The following COL9A1 variants were observed in gnomAD, a reference collection of about 807,000 sequenced individuals.
COL9A1 encodes the protein collagen type IX alpha 1 chain.
Under a neutral mutation model 142.6 loss-of-function variants are expected in COL9A1, and 104 were observed. The ratio of observed to expected loss-of-function variants is 0.73; its 90% confidence interval spans 0.62 to 0.86. COL9A1 has a LOEUF of 0.86. COL9A1 is among the 40% of genes least tolerant of loss of function. COL9A1 has a pLI of 0.00. For synonymous variants in COL9A1, 466 were observed against 396.0 expected (o/e 1.18, Z -2.10); for missense variants, 1,210 against 1,176.6 (o/e 1.03, Z -0.42).
At chr6:70,281,811 T>C (rs1773184649) in intron 7 of COL9A1, among the ~76,000 whole-genome samples, 1 of 152,046 alleles carries the variant, frequency 6.6e-6, no homozygotes. Flanking sequence ...AAAATGAAAA[T>C]GGGGCTCATT....
At chr6:70,244,240 G>A (rs912865223) in intron 28 of COL9A1, among the ~76,000 whole-genome samples, 1 of 152,170 alleles carries the variant, frequency 6.6e-6, no homozygotes, top group African/African-American at 2.4e-5. Context: ...ACCTGTGTCT[G>A]GTATATGACT....
chr6:70,240,736 A>G lies in COL9A1; in HGVS notation c.2035-3T>C, dbSNP rs765250471. 4.3e-6 allele frequency: 7 copies of G among 1,611,588 alleles called. No homozygotes were observed. The highest frequency in any genetic ancestry group is 5.9e-6 in the Non-Finnish European group (7 of 1,177,920). The stretch of plus-strand genomic sequence containing the variant: ...TCACCTTCTTCACCAGAGGCACCCT[A>G]AAAATTAAGATAAAAGGTTACATTT... On this transcript the variant is annotated splice_polypyrimidine_tract_variant and splice_region_variant and intron_variant, in intron 31 of 37. Transcript: ENST00000357250.
Position 70,239,320 on chromosome 6 carries a change from T to C in COL9A1, c.2080-34A>G, listed in dbSNP as rs746347768. 7.4e-6 allele frequency: 10 copies of C among 1,347,084 alleles called. No individual in the cohort carries two copies. The African/African-American group carries it at 8.6e-5, about 12-fold the overall frequency. The allele number at this position is 1,347,084 out of a possible 1,614,324, so 83.4% of individuals were successfully genotyped here. A position where few individuals can be genotyped will look rare whatever the true frequency, so the allele number is the denominator to read the frequency against. On this transcript the variant is annotated intron_variant, in intron 32 of 37. Coordinates refer to ENST00000357250, the MANE Select transcript of COL9A1 (RefSeq NM_001851.6). ...ATAAAAGAAATTTATGTTAGAACAA[T>C]GTATTCACATTTGATAATTTCCTGA...
chr6:70,289,393 TTTTATTC>T (rs1773574084), intron 5 of COL9A1, among the ~76,000 whole-genome samples: 1 of 152,182 alleles, frequency 6.6e-6, no homozygotes, highest in Non-Finnish European at 1.5e-5. Flanking sequence ...ATTATTCAGT[TTTTATTC>T]TAGCTATCCA....
At chr6:70,280,686 AG>A in intron 10 of COL9A1, 125 bp downstream of exon 10, 1 of 1,379,628 alleles carries the variant, frequency 7.2e-7, no homozygotes, top group East Asian at 2.5e-5. Flanking sequence ...CAGGAGGCCA[AG>A]TTTAGAGCCA....
intron 6 of COL9A1, chr6:70,283,206 C>T (rs1773285725): frequency 6.8e-7 from 1 of 1,465,080 alleles, no homozygotes; most frequent in South Asian, 1.4e-5. Flanking sequence ...CCGGGAGGCG[C>T]GCGTTCCCCC....
intron 4 of COL9A1, among the ~76,000 whole-genome samples, chr6:70,296,052 G>A (rs1424060825): frequency 2.0e-5 from 3 of 151,996 alleles, no homozygotes; most frequent in Admixed American, 6.6e-5. Context: ...TCTTTACTTT[G>A]ATTTTAATTA....
At chr6:70,263,215 A>G in intron 19 of COL9A1, 29 bp downstream of exon 19, 1 of 1,505,270 alleles carries the variant, frequency 6.6e-7, no homozygotes, top group Non-Finnish European at 9.1e-7. Context: ...TACATATCCT[A>G]GTTAAATATT....
chr6:70,272,208 T>C, intron 12 of COL9A1, 120 bp from the exon 13 acceptor site: 5 of 781,354 alleles, frequency 6.4e-6, no homozygotes, highest in Non-Finnish European at 1.0e-5. Context: ...ATGCTCATTC[T>C]AAAGAAAGCA....
intron 24 of COL9A1, 102 bp from the exon 25 acceptor site, chr6:70,254,631 A>G: frequency 9.2e-7 from 1 of 1,091,866 alleles, no homozygotes; most frequent in Non-Finnish European, 1.4e-6. Flanking sequence ...GGATTGTCCC[A>G]ACAGCTGACT....
At chr6:70,269,054 T>C (rs768290628) in intron 16 of COL9A1, among the ~76,000 whole-genome samples, 194 bp from the exon 17 acceptor site, 1 of 152,180 alleles carries the variant, frequency 6.6e-6, no homozygotes, top group Non-Finnish European at 1.5e-5. Context: ...GAAATATTTC[T>C]AGCTAACAGA....
chr6:70,215,459 A>G (rs1215297395), downstream of COL9A1: 1 of 152,234 alleles, frequency 6.6e-6, no homozygotes, highest in Non-Finnish European at 1.5e-5. Context: ...AAACTAACTA[A>G]AGATACTATG....
At chr6:70,268,945 T>C in intron 16 of COL9A1, 85 bp from the exon 17 acceptor site, 1 of 1,142,580 alleles carries the variant, frequency 8.8e-7, no homozygotes. Context: ...GTATCTTTTT[T>C]AAGGGATTCC....
At chr6:70,268,990 A>G in intron 16 of COL9A1, 130 bp from the exon 17 acceptor site, 1 of 732,798 alleles carries the variant, frequency 1.4e-6, no homozygotes, top group South Asian at 1.5e-5. Context: ...TATTCATTGA[A>G]TAATTCTAAA....
At chr6:70,274,394 G>T (rs897257002) in intron 11 of COL9A1, among the ~76,000 whole-genome samples, 1 of 151,986 alleles carries the variant, frequency 6.6e-6, no homozygotes, top group Non-Finnish European at 1.5e-5. Flanking sequence ...CCCTGTGTGT[G>T]TTGTTCCCCT....
chr6:70,242,758 T>A, intron 28 of COL9A1, 43 bp from the exon 29 acceptor site: 2 of 1,567,610 alleles, frequency 1.3e-6, no homozygotes, highest in South Asian at 2.2e-5. Context: ...TTTGCCAAAA[T>A]TCAAATGCTT....
At chr6:70,300,959 T>C (rs1161365430) in intron 2 of COL9A1, among the ~76,000 whole-genome samples, 1 of 152,114 alleles carries the variant, frequency 6.6e-6, no homozygotes, top group East Asian at 1.9e-4. Flanking sequence ...GATTCACTAA[T>C]CCTAAATAAA....
intron 16 of COL9A1, 60 bp from the exon 17 acceptor site, chr6:70,268,920 T>A: frequency 6.9e-7 from 1 of 1,439,666 alleles, no homozygotes; most frequent in South Asian, 1.2e-5. Flanking sequence ...AAACTAGGAC[T>A]CCCGCTTTGT....
At chr6:70,247,235 A>G (rs1431362683) in intron 28 of COL9A1, among the ~76,000 whole-genome samples, 3 of 152,246 alleles carry the variant, frequency 2.0e-5, no homozygotes, top group Admixed American at 6.5e-5. Context: ...CTTTATAAAC[A>G]AGTACTGGGT....
Sources: gnomAD v4.1 joint callset for allele counts (sites outside exome capture counted in the v4.1 genomes callset) on GRCh38, gnomAD v4.1.1 for gene constraint, MANE v1.5 for transcripts, NCBI Gene and HGNC (gene_info 2026-07-23, HGNC 2026-07-21) for gene names.